Variants in CHD2 observed in about 807,000 individuals in gnomAD.
The protein encoded by CHD2 is ATP-dependent chromatin remodeler CHD2.
Under a neutral mutation model 243.9 loss-of-function variants are expected in CHD2, and 28 were observed. The ratio of observed to expected loss-of-function variants is 0.11; its 90% CI spans 0.09 to 0.16. The LOEUF (loss-of-function observed/expected upper bound fraction) is 0.16, where lower values mean the gene tolerates loss of function less well. Among genes scored for constraint, CHD2 ranks in the 10% least tolerant of loss-of-function variants. The probability of loss-of-function intolerance (pLI) is 1.00; values close to 1 mark genes in which losing one functional copy is unlikely to be tolerated. For missense variants in CHD2, 1,386 were observed against 2,209.8 expected, an observed-to-expected ratio of 0.63 and a Z score of 7.47; for synonymous variants, 775 against 779.0, an observed-to-expected ratio of 0.99 and a Z score of 0.09.
intron 6 of CHD2, among the ~76,000 whole-genome samples, chr15:92,938,252 G>GGAT (rs1191826761): frequency 2.6e-5 from 4 of 152,136 alleles, no homozygotes; most frequent in African/African-American, 9.7e-5. Flanking sequence ...TACAGTTTAA[G>GGAT]GATAGAGAGC....
chr15:93,005,338 A>G (rs773400099), intron 34 of CHD2, among the ~76,000 whole-genome samples: 8 of 152,162 alleles, frequency 5.3e-5, no homozygotes, highest in Non-Finnish European at 7.4e-5. Flanking sequence ...AGGGGAGGGC[A>G]AGGCGATGGG....
intron 34 of CHD2, among the ~76,000 whole-genome samples, chr15:93,007,307 GTCAT>G (rs2054334072): frequency 6.6e-6 from 1 of 152,126 alleles, no homozygotes; most frequent in Non-Finnish European, 1.5e-5. Context: ...TATTTTAGTG[GTCAT>G]TCATGTTCCT....
intron 21 of CHD2, 93 bp downstream of exon 21, chr15:92,978,476 C>T (rs2053937122): frequency 7.5e-7 from 1 of 1,337,804 alleles, no homozygotes; most frequent in Non-Finnish European, 1.0e-6. Flanking sequence ...TGCTTTTTCC[C>T]TGTTTTGCTT....
chr15:92,995,965 G>T (rs1351225598), intron 28 of CHD2, among the ~76,000 whole-genome samples: 1 of 152,136 alleles, frequency 6.6e-6, no homozygotes, highest in Non-Finnish European at 1.5e-5. Flanking sequence ...AACGAACAAG[G>T]TTGTACATCT....
chr15:92,952,678 A>C (rs983474301), intron 13 of CHD2, among the ~76,000 whole-genome samples: 1 of 152,162 alleles, frequency 6.6e-6, no homozygotes, highest in African/African-American at 2.4e-5. Context: ...TCCCTCCCTC[A>C]CCCGCTGCTC....
At chr15:93,011,868 A>C (rs777404384) in intron 35 of CHD2, among the ~76,000 whole-genome samples, 1 of 152,202 alleles carries the variant, frequency 6.6e-6, no homozygotes, top group Non-Finnish European at 1.5e-5. Context: ...AATGGAGGCC[A>C]CAACCTGGGA....
At chr15:92,914,768 T>A (rs748598775) in intron 2 of CHD2, among the ~76,000 whole-genome samples, 9 of 152,218 alleles carry the variant, frequency 5.9e-5, no homozygotes, top group Non-Finnish European at 1.0e-4. Flanking sequence ...ATTTTATTAT[T>A]GATTAACAAA....
intron 4 of CHD2, among the ~76,000 whole-genome samples, chr15:92,928,144 T>A (rs962049879): frequency 6.6e-6 from 1 of 152,218 alleles, no homozygotes. Context: ...TGTGGGTTTT[T>A]AAATAAATGT....
At chr15:92,943,098 G>A (rs2141787821) in intron 9 of CHD2, 30 bp downstream of exon 9, 2 of 1,536,722 alleles carry the variant, frequency 1.3e-6, no homozygotes, top group Non-Finnish European at 1.8e-6. Context: ...TTAAAGAAAT[G>A]TATTTGCAGC....
Position 92,924,447 on chromosome 15 carries a change from G to T in CHD2, c.189G>T (p.Gln63His), listed in dbSNP as rs568998233. 21 of 1,614,208 alleles carry T rather than the reference G, an allele frequency of 1.3e-5. No individual in the cohort carries two copies. Among genetic ancestry groups the T allele is most frequent in the Non-Finnish European group, 1.6e-5 (19 of 1,180,036 alleles). Residue 63 changes from glutamine to histidine, a missense_variant, in exon 3 of 39, where the codon CAG becomes CAT. Transcript: ENST00000394196. ...GCAGCTCTGAATCTTCTGAGAGTCAGTCGGAATCTGAGAGCGAATCAGCAG... is the reference window on the plus strand; with the variant it reads ...GCAGCTCTGAATCTTCTGAGAGTCATTCGGAATCTGAGAGCGAATCAGCAG... ...SNSSSESSESQSESESESAGS... is the reference protein window; with the variant it reads ...SNSSSESSESHSESESESAGS...
intron 2 of CHD2, chr15:92,901,635 G>T (rs1021148068): frequency 7.1e-6 from 3 of 421,754 alleles, no homozygotes; most frequent in Admixed American, 4.2e-5. Context: ...GACCTTGTCG[G>T]TTTAGCCATT....
chr15:92,916,790 A>C (rs2052846054), intron 2 of CHD2, among the ~76,000 whole-genome samples: 1 of 152,088 alleles, frequency 6.6e-6, no homozygotes, highest in Non-Finnish European at 1.5e-5. Flanking sequence ...CTGACCTCCT[A>C]ATCTGACCAC....
chr15:92,917,141 T>C (rs1164049640), intron 2 of CHD2, among the ~76,000 whole-genome samples: 1 of 152,204 alleles, frequency 6.6e-6, no homozygotes, highest in Non-Finnish European at 1.5e-5. Context: ...TGTTTCCCAG[T>C]CCGTCTGGGA....
intron 18 of CHD2, 112 bp from the exon 19 acceptor site, chr15:92,972,153 T>C (rs2053849849): frequency 8.1e-7 from 1 of 1,233,370 alleles, no homozygotes. Flanking sequence ...AGCAGGTTGC[T>C]AAGGGCTTCA....
chr15:92,974,182 T>C (rs1018572928), intron 19 of CHD2: 1 of 152,214 alleles, frequency 6.6e-6, no homozygotes, highest in Non-Finnish European at 1.5e-5. Flanking sequence ...CTTTAGTATT[T>C]TATGTGTCAA....
At chr15:92,966,666 T>G (rs1712317150) in intron 16 of CHD2, among the ~76,000 whole-genome samples, 1 of 152,048 alleles carries the variant, frequency 6.6e-6, no homozygotes, top group Non-Finnish European at 1.5e-5. Context: ...ATTCCAGCAC[T>G]TTGGGAGGCC....
At position 93,008,289 on chromosome 15, in the gene CHD2, C is replaced by T. The variant is rs150558775; in HGVS notation, c.4414-856C>T. Among the ~76,000 whole-genome samples, 1,151 of 152,358 alleles carry T rather than the reference C, an allele frequency of 7.6e-3. 18 individuals are homozygous for T. The highest frequency in any genetic ancestry group is 0.026 in the African/African-American group (1,101 of 41,588). ...TCAGTGTGGTGGGCTCAGCCCTCAT[C>T]TGTGCCTGTGCAGTCCCGCTCAGAG... On this transcript the variant is annotated intron_variant, in intron 34 of 38. Transcript: ENST00000394196.
chr15:92,956,686 A>G lies in CHD2; in HGVS notation c.2000+37A>G, dbSNP rs1326600856. 5.8e-6 allele frequency: 9 copies of G among 1,550,302 alleles called. No homozygotes were observed. The South Asian group carries it at 1.1e-4, about 19-fold the overall frequency. On this transcript the variant is annotated intron_variant, in intron 16 of 38. Transcript: ENST00000394196. Reference sequence around the variant, plus strand: ...CCTGTGTATTTCAAAAGATGCTAGAATGTCTGAAATGCCAATGCTTTTTAA... The same window carrying G: ...CCTGTGTATTTCAAAAGATGCTAGAGTGTCTGAAATGCCAATGCTTTTTAA...
intron 16 of CHD2, among the ~76,000 whole-genome samples, chr15:92,966,909 CAA>C (rs57813753): frequency 8.3e-5 from 11 of 132,676 alleles, no homozygotes; most frequent in Admixed American, 1.5e-4. Context: ...GACTCTGTCT[CAA>C]AAAAAAAAAA....
Sources: allele counts gnomAD v4.1 joint callset (sites outside exome capture counted in the v4.1 genomes callset), GRCh38; gene constraint gnomAD v4.1.1; transcripts MANE v1.5; gene names NCBI Gene and HGNC (gene_info 2026-07-23, HGNC 2026-07-21).